The following RELT variants were observed in gnomAD, a reference collection of about 807,000 sequenced individuals.
RELT encodes tumor necrosis factor receptor superfamily member 19L.
Under a neutral mutation model 51.1 loss-of-function variants are expected in RELT, and 37 were observed. The observed-to-expected ratio is 0.72, with a 90% CI of 0.56 to 0.95. The LOEUF (loss-of-function observed/expected upper bound fraction) is 0.95, where lower values mean the gene tolerates loss of function less well. RELT is among the 40% of genes least tolerant of loss of function. RELT has a pLI of 0.00. For synonymous variants in RELT, 241 were observed against 235.7 expected (o/e 1.02, Z -0.21); for missense variants, 535 against 572.6 (o/e 0.93, Z 0.67).
chr11:73,378,681 T>G (rs1186819393), intron 1 of RELT, among the ~76,000 whole-genome samples: 1 of 152,234 alleles, frequency 6.6e-6, no homozygotes, highest in Non-Finnish European at 1.5e-5. Flanking sequence ...AAGTATGATG[T>G]GTGTGTGTGC....
chr11:73,392,162 G>T (rs772429856), intron 5 of RELT, 49 bp from the exon 6 acceptor site: 13 of 1,592,008 alleles, frequency 8.2e-6, no homozygotes, highest in Admixed American at 6.9e-5. Context: ...GTCTCTCTGT[G>T]TTTGTGTCAC....
rs533376896 is a variant in RELT, at chr11:73,394,819, C to T, written c.1046+85C>T. On this transcript the variant is annotated intron_variant, in intron 9 of 10. Coordinates refer to ENST00000064780, the MANE Select transcript of RELT (RefSeq NM_152222.2). This position sits in a 1 kb window ranked among gnomAD's most constrained non-coding sequence, Gnocchi z 4.9. ...GGGGGAGGCAGGGCCCCAGCTTGGG[C>T]CCTGAGCACCCTGCTCAATGGGAGC... 3.7e-5 allele frequency: 54 copies of T among 1,467,932 alleles called. No individual in the cohort carries two copies. The highest frequency in any genetic ancestry group is 4.8e-5 in the Non-Finnish European group (52 of 1,087,098). The allele number at this position is 1,467,932 out of a possible 1,614,324, so 90.9% of individuals were successfully genotyped here.
chr11:73,380,633 AG>A (rs1160406378), intron 1 of RELT, among the ~76,000 whole-genome samples: 1 of 152,058 alleles, frequency 6.6e-6, no homozygotes, highest in Non-Finnish European at 1.5e-5. Flanking sequence ...GTGAGGGTCG[AG>A]GGGTTTGTCT....
Position 73,392,461 on chromosome 11 carries a change from A to T in RELT, c.618A>T (p.Gly206=), listed in dbSNP as rs201802991. Residue 206 remains glycine (G), a synonymous_variant, in exon 6 of 11, where the codon GGA becomes GGT. Transcript: ENST00000064780. ...AGGTCGGGCCCGGCCCTGGAGGTGG[A>T]GGCAGTGGTGAGGCCCAGCTGGGGT... ...HKEVGPGPGG[G]GSGINPAYRT... 6.2e-7 allele frequency: 1 copy of T among 1,611,854 alleles called. No homozygotes were observed. Among genetic ancestry groups the T allele is most frequent in the African/African-American group, 1.3e-5 (1 of 74,994 alleles).
At position 73,391,060 on chromosome 11, in the gene RELT, G is replaced by A. The variant is rs187712091; in HGVS notation, c.288-84G>A. 11 of 1,523,516 alleles carry A rather than the reference G, an allele frequency of 7.2e-6. No individual in the cohort carries two copies. The Admixed American group carries it at 1.7e-4, about 24-fold the overall frequency. 94.4% of individuals were successfully genotyped at this position (1,523,516 alleles called of 1,614,324 possible). ...GGGATGGGGCAGGACCACGGAGGGT[G>A]CCTGGTAGGAAGGAATCCAGCCTCT... On this transcript the variant is annotated intron_variant, in intron 4 of 10. Transcript: ENST00000064780.
chr11:73,392,395 C>A lies in RELT; in HGVS notation c.552C>A (p.Asn184Lys). 1 of 1,613,812 alleles carries A rather than the reference C, an allele frequency of 6.2e-7. No homozygotes were observed. Among genetic ancestry groups the A allele is most frequent in the Non-Finnish European group, 8.5e-7 (1 of 1,179,938 alleles). ...GGCTGTTGGGCATCCTGGTGTGCAA[C>A]CTCCTCAAGCGGAAGGGCTACCACT... ...LMGLLGILVC[N>K]LLKRKGYHCT... Residue 184 changes from asparagine to lysine, a missense_variant, in exon 6 of 11, where the codon AAC becomes AAA. Coordinates refer to ENST00000064780, the MANE Select transcript of RELT (RefSeq NM_152222.2).
intron 1 of RELT, among the ~76,000 whole-genome samples, chr11:73,378,390 G>T (rs571648546): frequency 6.6e-6 from 1 of 152,308 alleles, no homozygotes; most frequent in East Asian, 1.9e-4. Flanking sequence ...ACTTCATGGT[G>T]TTCTGTCTTG....
Position 73,395,852 on chromosome 11 carries a change from C to A in RELT, c.*361C>A. ...AGGGGCCTGTGCCCGTCACCCCTGG[C>A]CCCATTCCTTGGTAATTAGCCACAC... On this transcript the variant is annotated 3_prime_UTR_variant, in exon 11 of 11. Transcript: ENST00000064780. 2.6e-6 allele frequency: 1 copy of A among 379,330 alleles called. No homozygotes were observed. The highest frequency in any genetic ancestry group is 4.9e-6 in the Non-Finnish European group (1 of 204,750). 23.5% of individuals were successfully genotyped at this position (379,330 alleles called of 1,614,324 possible).
intron 2 of RELT, among the ~76,000 whole-genome samples, chr11:73,390,071 G>A (rs1866185856): frequency 6.6e-6 from 1 of 152,158 alleles, no homozygotes; most frequent in Non-Finnish European, 1.5e-5. Context: ...TGTGGTCCTG[G>A]AGACTTTCGC....
chr11:73,379,220 A>G (rs56801796), intron 1 of RELT, among the ~76,000 whole-genome samples: 45,762 of 152,020 alleles, frequency 0.3, 9,128 homozygotes, highest in African/African-American at 0.57. Flanking sequence ...TCCATCCTCA[A>G]CAAAGAGGTG....
intron 1 of RELT, among the ~76,000 whole-genome samples, chr11:73,382,068 G>A (rs140951156): frequency 1.2e-3 from 177 of 152,322 alleles, no homozygotes; most frequent in Non-Finnish European, 1.3e-3. Context: ...CCTGCCCAAG[G>A]CCATCGATCT....
At chr11:73,389,925 CAGAG>C (rs1430467289) in intron 2 of RELT, among the ~76,000 whole-genome samples, 5 of 152,312 alleles carry the variant, frequency 3.3e-5, no homozygotes, top group African/African-American at 1.2e-4. Flanking sequence ...GAATGGGAAG[CAGAG>C]AGAACTCCTA....
intron 1 of RELT, among the ~76,000 whole-genome samples, chr11:73,386,947 C>CTT (rs982762129): frequency 1.2e-4 from 17 of 138,998 alleles, no homozygotes; most frequent in African/African-American, 2.9e-4. Context: ...CTGGCTTTGT[C>CTT]TTTTTTTTTT....
At position 73,395,559 on chromosome 11, in the gene RELT, G is replaced by A; in HGVS notation, c.*68G>A. 1.3e-6 allele frequency: 1 copy of A among 779,264 alleles called. No individual in the cohort carries two copies. The highest frequency in any genetic ancestry group is 2.4e-6 in the Non-Finnish European group (1 of 417,354). 48.3% of individuals were successfully genotyped at this position (779,264 alleles called of 1,614,324 possible). A position where few individuals can be genotyped will look rare whatever the true frequency, so the allele number is the denominator to read the frequency against. ...GTTCCGAAGGCTTCCTGGAGGAGGT[G>A]GAGCTGCAGCTGGGACTGTGAGGAC... On this transcript the variant is annotated 3_prime_UTR_variant, in exon 11 of 11. Coordinates refer to ENST00000064780, the MANE Select transcript of RELT (RefSeq NM_152222.2).
At chr11:73,391,285 G>T in intron 5 of RELT, 62 bp downstream of exon 5, 1 of 1,466,416 alleles carries the variant, frequency 6.8e-7, no homozygotes, top group Non-Finnish European at 9.4e-7. Flanking sequence ...CCAGTGAGTT[G>T]GAGCCCAGCA....
Position 73,394,812 on chromosome 11 carries a change from G to C in RELT, c.1046+78G>C, listed in dbSNP as rs1030903876. On this transcript the variant is annotated intron_variant, in intron 9 of 10. Coordinates refer to ENST00000064780, the MANE Select transcript of RELT (RefSeq NM_152222.2). The surrounding 1 kb of genome is among the most constrained non-coding windows in gnomAD (Gnocchi z 4.9). ...GCCGGGAGGGGGAGGCAGGGCCCCA[G>C]CTTGGGCCCTGAGCACCCTGCTCAA... 2 of 1,526,596 alleles carry C rather than the reference G, an allele frequency of 1.3e-6. No individual in the cohort carries two copies. Among genetic ancestry groups the C allele is most frequent in the Non-Finnish European group, 1.8e-6 (2 of 1,132,058 alleles). 94.6% of individuals were successfully genotyped at this position (1,526,596 alleles called of 1,614,324 possible).
At chr11:73,387,815 C>T (rs375000186) in intron 1 of RELT, among the ~76,000 whole-genome samples, 26 of 152,180 alleles carry the variant, frequency 1.7e-4, no homozygotes, top group African/African-American at 5.8e-4. Flanking sequence ...CCACAGGAGG[C>T]GCTTTTCTCA....
chr11:73,392,612 C>T, intron 6 of RELT, 144 bp downstream of exon 6: 1 of 1,404,610 alleles, frequency 7.1e-7, no homozygotes, highest in Middle Eastern at 2.5e-4. Context: ...AGACTGACAA[C>T]ATGGGAGGAA....
At chr11:73,385,757 C>T (rs960189828) in intron 1 of RELT, among the ~76,000 whole-genome samples, 5 of 152,148 alleles carry the variant, frequency 3.3e-5, no homozygotes, top group African/African-American at 7.2e-5. Flanking sequence ...CTGGGCACAG[C>T]GGCTCACACC....
Sources: allele counts gnomAD v4.1 joint callset (sites outside exome capture counted in the v4.1 genomes callset), GRCh38; gene constraint gnomAD v4.1.1; non-coding constraint Gnocchi (gnomAD v3.1); transcripts MANE v1.5; gene names NCBI Gene and HGNC (gene_info 2026-07-23, HGNC 2026-07-21).